Variants in CCDC88B observed in about 807,000 individuals in gnomAD.
CCDC88B encodes the protein coiled-coil and HOOK domain protein 88B.
In CCDC88B, 138 loss-of-function variants were observed where a neutral mutation model predicts 183.7. The ratio of observed to expected loss-of-function variants is 0.75; its 90% CI spans 0.65 to 0.87. The LOEUF is 0.87. CCDC88B is among the 40% of genes least tolerant of loss of function. CCDC88B has a pLI of 0.00. For missense variants in CCDC88B, 1,822 were observed against 1,965.6 expected (o/e 0.93, Z 1.38); for synonymous variants, 835 against 867.5 (o/e 0.96, Z 0.66).
chr11:64,340,330 AG>A lies in CCDC88B; in HGVS notation c.60+9del. The A allele has an allele frequency of 7.8e-7, 1 of 1,283,338 alleles. No individual in the cohort carries two copies. The highest frequency in any genetic ancestry group is 9.9e-7 in the Non-Finnish European group (1 of 1,006,580). 79.5% of individuals were successfully genotyped at this position (1,283,338 alleles called of 1,614,324 possible). A position where few individuals can be genotyped will look rare whatever the true frequency, so the allele number is the denominator to read the frequency against. The stretch of plus-strand genomic sequence containing the variant: ...GAGTGGGAGTCTGGCTACCTGGGTG[AG>A]GGGGCAGGTGGCAGCGGGTTGGGGA... On this transcript the variant is annotated splice_donor_5th_base_variant and intron_variant, in intron 1 of 26. Transcript: ENST00000356786.
chr11:64,345,107 C>T lies in CCDC88B; in HGVS notation c.2566C>T (p.His856Tyr). Residue 856 changes from histidine to tyrosine, a missense_variant, in exon 14 of 27, where the codon CAC (histidine) becomes TAC (tyrosine). Physicochemically the swap from His to Tyr is moderately conservative, Grantham distance 83. Coordinates refer to ENST00000356786, the MANE Select transcript of CCDC88B (RefSeq NM_032251.6). ...GGTGCTGGAGAGCGAGGGCCGCCAG[C>T]ACTTGGAGGAGGCTGAGAGGGAGCG... ...MQVLESEGRQ[H>Y]LEEAERERRE... The T allele has an allele frequency of 1.3e-6, 2 of 1,551,212 alleles. No homozygotes were observed. Among genetic ancestry groups the T allele is most frequent in the Non-Finnish European group, 1.7e-6 (2 of 1,152,024 alleles).
Position 64,357,040 on chromosome 11 carries a change from C to A in CCDC88B, c.4377C>A (p.Gly1459=), listed in dbSNP as rs772606939. 1.3e-6 allele frequency: 2 copies of A among 1,587,600 alleles called. No individual in the cohort carries two copies. The highest frequency in any genetic ancestry group is 1.7e-6 in the Non-Finnish European group (2 of 1,164,786). Reference sequence around the variant, plus strand: ...TCTCAGCTGAGCCTTTCCCTCTAGGCCCTGAGGTACAGGAACCGGAGAAAC... The same window carrying A: ...TCTCAGCTGAGCCTTTCCCTCTAGGACCTGAGGTACAGGAACCGGAGAAAC... ...QEHETDANRE[G]PEVQEPEKRP... Residue 1459 remains glycine, a splice_region_variant and synonymous_variant, in exon 27 of 27, where the codon GGC becomes GGA. Transcript: ENST00000356786.
At chr11:64,343,745 A>C in intron 12 of CCDC88B, 33 bp from the exon 13 acceptor site, 1 of 1,534,324 alleles carries the variant, frequency 6.5e-7, no homozygotes, top group Non-Finnish European at 8.8e-7. Flanking sequence ...CAGGCAGTAA[A>C]GGAGGGGTCC....
chr11:64,345,060 A>T lies in CCDC88B; in HGVS notation c.2519A>T (p.Glu840Val). The change falls in exon 14 of 27, where the codon GAG (glutamate) becomes GTG (valine). Residue 840 changes from glutamate to valine, a missense_variant. Transcript: ENST00000356786. ...GGGTCCAGGCTGCGGGCCCAGTCGG[A>T]GGCCGCCGAGGAACGGATGCAGGTG... ...REGSRLRAQSEAAEERMQVLE... is the reference protein window; with the variant it reads ...REGSRLRAQSVAAEERMQVLE... 6.5e-7 allele frequency: 1 copy of T among 1,549,574 alleles called. No homozygotes were observed. The highest frequency in any genetic ancestry group is 8.7e-7 in the Non-Finnish European group (1 of 1,149,820).
At chr11:64,357,005 G>A (rs780355669) in intron 26 of CCDC88B, 34 bp from the exon 27 acceptor site, 51 of 1,541,404 alleles carry the variant, frequency 3.3e-5, no homozygotes, top group Non-Finnish European at 2.3e-5. Flanking sequence ...GTCCTCCTGA[G>A]GGAAGCAGAT....
At chr11:64,356,015 ATGT>A (rs1565061940) in intron 26 of CCDC88B, 7 of 60,912 alleles carry the variant, frequency 1.1e-4, no homozygotes, top group South Asian at 9.6e-4. Context: ...ATTAGACGTG[ATGT>A]TTTTTTTTTT....
In CCDC88B at chr11:64,357,302, C is replaced by T; in HGVS notation, c.*208C>T. 1 of 731,666 alleles carries T rather than the reference C, an allele frequency of 1.4e-6. No individual in the cohort carries two copies. The highest frequency in any genetic ancestry group is 2.5e-6 in the Non-Finnish European group (1 of 397,722). The allele number at this position is 731,666 out of a possible 1,614,324, so 45.3% of individuals were successfully genotyped here. On this transcript the variant is annotated 3_prime_UTR_variant, in exon 27 of 27. Coordinates refer to ENST00000356786, the MANE Select transcript of CCDC88B (RefSeq NM_032251.6). Reference sequence around the variant, plus strand: ...GTGTGGACAGGGGGGATGGCTGGCCCCCACGAGCAGCTCCAGGCTGGAGTT... The same window carrying T: ...GTGTGGACAGGGGGGATGGCTGGCCTCCACGAGCAGCTCCAGGCTGGAGTT...
chr11:64,353,733 G>A lies in CCDC88B; in HGVS notation c.3852G>A (p.Leu1284=), dbSNP rs1554966790. 1 of 1,614,084 alleles carries A rather than the reference G, an allele frequency of 6.2e-7. No individual in the cohort carries two copies. The highest frequency in any genetic ancestry group is 8.5e-7 in the Non-Finnish European group (1 of 1,179,978). The part of the protein sequence containing the change: ...QREYLDQLNA[L]RREKQKLVEK... ...CTGCCAGGGACCAGCTTAATGCCCTGCGCCGCGAGAAGCAGAAGCTCGTGG... is the reference window on the plus strand; with the variant it reads ...CTGCCAGGGACCAGCTTAATGCCCTACGCCGCGAGAAGCAGAAGCTCGTGG... The change falls in exon 23 of 27, where the codon CTG becomes CTA. Residue 1284 remains leucine (L), a synonymous_variant. Coordinates refer to ENST00000356786, the MANE Select transcript of CCDC88B (RefSeq NM_032251.6).
rs1427367791 is a variant in CCDC88B at position 64,351,251 on chromosome 11, G to A, written c.2954G>A (p.Arg985His). The A allele has an allele frequency of 3.9e-6, 6 of 1,523,718 alleles. No homozygotes were observed. Among genetic ancestry groups the A allele is most frequent in the African/African-American group, 1.4e-5 (1 of 71,928 alleles). The allele number at this position is 1,523,718 out of a possible 1,614,324, so 94.4% of individuals were successfully genotyped here. A position where few individuals can be genotyped will look rare whatever the true frequency, so the allele number is the denominator to read the frequency against. The change falls in exon 17 of 27, where the codon CGC (arginine) becomes CAC (histidine). Residue 985 changes from arginine (R) to histidine (H), a missense_variant. Transcript: ENST00000356786. ...AATGTGCGGCTTATTGAGGTGGAGCGCAGTGTGAGTGTGGGCCCACAGTGG... is the reference window on the plus strand; with the variant it reads ...AATGTGCGGCTTATTGAGGTGGAGCACAGTGTGAGTGTGGGCCCACAGTGG... ...TQNVRLIEVERSNAMLVAEKA... is the reference protein window; with the variant it reads ...TQNVRLIEVEHSNAMLVAEKA...
At chr11:64,343,695 C>T in intron 12 of CCDC88B, 80 bp downstream of exon 12, 1 of 1,533,868 alleles carries the variant, frequency 6.5e-7, no homozygotes, top group African/African-American at 1.4e-5. Context: ...CTCTGACTCC[C>T]TCCCTTCTCC....
intron 14 of CCDC88B, among the ~76,000 whole-genome samples, chr11:64,346,443 A>T (rs1213306144): frequency 6.4e-5 from 9 of 140,164 alleles, no homozygotes; most frequent in Admixed American, 2.8e-4. Flanking sequence ...TACTTTTTGT[A>T]TTTTTTTTTT....
At chr11:64,340,585 G>A in intron 1 of CCDC88B, 22 bp from the exon 2 acceptor site, 1 of 1,600,508 alleles carries the variant, frequency 6.2e-7, no homozygotes, top group Non-Finnish European at 8.5e-7. Context: ...CTGGTCGGCT[G>A]ACCCCTCTGG....
rs890815204 is a variant in CCDC88B, at chr11:64,352,507, G to A, written c.3356+121G>A. ...TCCACCTCCGCTCTGTGATGCCCCG[G>A]CCACTGCTGTGCCCTCTGGGGTAGC... On this transcript the variant is annotated intron_variant, in intron 19 of 26. Transcript: ENST00000356786. 5.0e-6 allele frequency: 7 copies of A among 1,396,998 alleles called. No homozygotes were observed. The Middle Eastern group carries it at 1.6e-3, about 311-fold the overall frequency. 86.5% of individuals were successfully genotyped at this position (1,396,998 alleles called of 1,614,324 possible). A position where few individuals can be genotyped will look rare whatever the true frequency, so the allele number is the denominator to read the frequency against.
Position 64,341,210 on chromosome 11 carries a change from G to GC in CCDC88B, c.388+37dup, listed in dbSNP as rs781493402. On this transcript the variant is annotated intron_variant, in intron 4 of 26. Coordinates refer to ENST00000356786, the MANE Select transcript of CCDC88B (RefSeq NM_032251.6). Reference sequence around the variant, plus strand: ...TCCCCACCCACACCCTCCTGCCTCTGCCCCCGCACTACTCTACCTTCCCCG... The same window carrying GC: ...TCCCCACCCACACCCTCCTGCCTCTGCCCCCCGCACTACTCTACCTTCCCCG... 22 of 1,613,888 alleles carry GC rather than the reference G, an allele frequency of 1.4e-5. No homozygotes were observed. In the African/African-American group the frequency reaches 2.1e-4, roughly 16 times the overall value.
Position 64,349,992 on chromosome 11 carries a change from T to C in CCDC88B, c.2862+324T>C, listed in dbSNP as rs868036631. 10 of 376,504 alleles carry C rather than the reference T, an allele frequency of 2.7e-5. No individual in the cohort carries two copies. In the Middle Eastern group the frequency reaches 2.4e-3, roughly 89 times the overall value. The allele number at this position is 376,504 out of a possible 1,614,324, so 23.3% of individuals were successfully genotyped here. A position where few individuals can be genotyped will look rare whatever the true frequency, so the allele number is the denominator to read the frequency against. ...CAAGGAAGCCAGCGATGGTTTCTGATACCCAGGCTGTGTGCGGGCTCCACA... is the reference window on the plus strand; with the variant it reads ...CAAGGAAGCCAGCGATGGTTTCTGACACCCAGGCTGTGTGCGGGCTCCACA... On this transcript the variant is annotated intron_variant, in intron 16 of 26. Transcript: ENST00000356786.
In CCDC88B at chr11:64,340,969, G is replaced by C; in HGVS notation, c.269G>C (p.Arg90Pro). ...LRGLDGPAAW[R>P]VWNLNHLWGR... The stretch of plus-strand genomic sequence containing the variant: ...GGCCTTGACGGACCTGCTGCCTGGC[G>C]AGTGTGGAACCTGAACCACCTGTGG... Residue 90 changes from arginine to proline, a missense_variant, in exon 3 of 27, where the codon CGA becomes CCA. By Grantham distance (103) the Arg-to-Pro change is moderately radical (BLOSUM62 -2). Coordinates refer to ENST00000356786, the MANE Select transcript of CCDC88B (RefSeq NM_032251.6). The C allele has an allele frequency of 6.2e-7, 1 of 1,603,684 alleles. No individual in the cohort carries two copies. Among genetic ancestry groups the C allele is most frequent in the Non-Finnish European group, 8.5e-7 (1 of 1,174,158 alleles).
In CCDC88B at chr11:64,344,401, G is replaced by A. The variant is rs1365948945; in HGVS notation, c.1860G>A (p.Leu620=). 3.2e-6 allele frequency: 5 copies of A among 1,586,992 alleles called. No individual in the cohort carries two copies. The South Asian group carries it at 4.6e-5, about 14-fold the overall frequency. Residue 620 remains leucine, a synonymous_variant, in exon 14 of 27, where the codon CTG becomes CTA. Transcript: ENST00000356786. This position sits in a 1 kb window ranked among gnomAD's most constrained non-coding sequence, Gnocchi z 4.5. The part of the protein sequence containing the change: ...PGTKIQAPQL[L]GGETEGREAP... ...CCAAAATTCAGGCCCCGCAGTTGCT[G>A]GGAGGAGAGACAGAGGGAAGAGAGG...
chr11:64,345,428 C>T (rs2036071404), intron 14 of CCDC88B, among the ~76,000 whole-genome samples: 1 of 152,136 alleles, frequency 6.6e-6, no homozygotes, highest in Non-Finnish European at 1.5e-5. Flanking sequence ...CACCTCCACC[C>T]CAGGCATCCT....
chr11:64,351,758 AC>A, intron 18 of CCDC88B, 142 bp downstream of exon 18: 1 of 1,129,522 alleles, frequency 8.9e-7, no homozygotes, highest in Non-Finnish European at 1.2e-6. Context: ...TTGTCCTCTG[AC>A]CCCAGCCACC....
Sources: gnomAD v4.1 joint callset for allele counts (sites outside exome capture counted in the v4.1 genomes callset) on GRCh38, gnomAD v4.1.1 for gene constraint, Gnocchi (gnomAD v3.1) non-coding constraint, MANE v1.5 for transcripts, NCBI Gene and HGNC (gene_info 2026-07-23, HGNC 2026-07-21) for gene names.